The following AKAP13 variants were observed in gnomAD, a reference collection of about 807,000 sequenced individuals.
The protein encoded by AKAP13 is A-kinase anchor protein 13.
Under a neutral mutation model 264.5 loss-of-function variants are expected in AKAP13, and 80 were observed. The observed-to-expected ratio is 0.30, with a 90% CI of 0.25 to 0.36. The LOEUF is 0.36. AKAP13 is among the 10% of genes least tolerant of loss of function. The probability of loss-of-function intolerance (pLI) is 1.00; values close to 1 mark genes in which losing one functional copy is unlikely to be tolerated. For synonymous variants in AKAP13, 1,380 were observed against 1,250.2 expected (o/e 1.10, Z -2.19); for missense variants, 3,712 against 3,435.2 (o/e 1.08, Z -2.01).
intron 1 of AKAP13, among the ~76,000 whole-genome samples, chr15:85,475,856 G>C (rs566622595): frequency 6.6e-6 from 1 of 152,296 alleles, no homozygotes; most frequent in African/African-American, 2.4e-5. Context: ...CTCTGTCTCT[G>C]ATGTTCATGT....
At chr15:85,518,180 T>C (rs147853932) in intron 2 of AKAP13, among the ~76,000 whole-genome samples, 1 of 152,328 alleles carries the variant, frequency 6.6e-6, no homozygotes, top group East Asian at 1.9e-4. Flanking sequence ...GATGGTAGGA[T>C]TAAAGCATCA....
At chr15:85,544,184 G>C in intron 5 of AKAP13, 1 of 669,782 alleles carries the variant, frequency 1.5e-6, no homozygotes, top group Non-Finnish European at 2.7e-6. Context: ...CTGCCTGCCT[G>C]CCTTCTTCAA....
chr15:85,741,702 A>AC (rs1310182260), intron 35 of AKAP13, among the ~76,000 whole-genome samples: 3 of 12,042 alleles, frequency 2.5e-4, no homozygotes, highest in Admixed American at 1.4e-3. Context: ...TCTCCTAAAA[A>AC]AAAAAAAAAA....
chr15:85,734,258 C>A (rs2088272306), intron 30 of AKAP13, among the ~76,000 whole-genome samples: 1 of 152,148 alleles, frequency 6.6e-6, no homozygotes, highest in Admixed American at 6.5e-5. Flanking sequence ...CTGTTCTTAA[C>A]TTTATATGGG....
chr15:85,655,570 G>C lies in AKAP13; in HGVS notation c.4528G>C (p.Gly1510Arg), dbSNP rs1245978977. The change falls in exon 11 of 37, where the codon GGA becomes CGA. Residue 1510 changes from glycine to arginine, a missense_variant. Coordinates refer to ENST00000394518, the MANE Select transcript of AKAP13 (RefSeq NM_007200.5). Reference sequence around the variant, plus strand: ...GTCAAGAGATCGGCAAAGCCTTGATGGATTCTACAGCCATGGGATGGGAGC... The same window carrying C: ...GTCAAGAGATCGGCAAAGCCTTGATCGATTCTACAGCCATGGGATGGGAGC... The part of the protein sequence containing the change: ...NRSRDRQSLD[G>R]FYSHGMGAEG... 6.2e-7 allele frequency: 1 copy of C among 1,614,220 alleles called. No homozygotes were observed. The highest frequency in any genetic ancestry group is 2.2e-5 in the East Asian group (1 of 44,890).
chr15:85,519,004 C>CA (rs989555940), intron 2 of AKAP13, among the ~76,000 whole-genome samples: 9 of 152,150 alleles, frequency 5.9e-5, no homozygotes, highest in Non-Finnish European at 1.3e-4. Context: ...GAGAGTCTCC[C>CA]AGCAAGATGT....
At chr15:85,454,988 T>G (rs1265414197) in intron 1 of AKAP13, among the ~76,000 whole-genome samples, 1 of 152,202 alleles carries the variant, frequency 6.6e-6, no homozygotes, top group Non-Finnish European at 1.5e-5. Context: ...GATAGATTTC[T>G]TGTCTTCTGT....
At chr15:85,446,603 T>C (rs1240515643) in intron 1 of AKAP13, among the ~76,000 whole-genome samples, 1 of 152,076 alleles carries the variant, frequency 6.6e-6, no homozygotes, top group Non-Finnish European at 1.5e-5. Flanking sequence ...GAGAATGGGA[T>C]GGAAAGATAT....
intron 17 of AKAP13, among the ~76,000 whole-genome samples, chr15:85,695,666 A>G (rs1317381708): frequency 6.6e-6 from 1 of 152,186 alleles, no homozygotes; most frequent in Admixed American, 6.5e-5. Context: ...TTTCAAAAGT[A>G]ACCAAAAACC....
chr15:85,574,075 C>T (rs2078923376), intron 5 of AKAP13, among the ~76,000 whole-genome samples: 1 of 152,196 alleles, frequency 6.6e-6, no homozygotes, highest in Non-Finnish European at 1.5e-5. Flanking sequence ...ACCCAGAAAT[C>T]TCTAACTCTG....
chr15:85,459,500 G>A (rs1030752390), intron 1 of AKAP13, among the ~76,000 whole-genome samples: 2 of 147,974 alleles, frequency 1.4e-5, no homozygotes, highest in South Asian at 4.3e-4. Context: ...CACCCAGCCT[G>A]CTTTTTCTTT....
intron 4 of AKAP13, 123 bp downstream of exon 4, chr15:85,534,003 G>C (rs2077314993): frequency 9.1e-7 from 1 of 1,102,794 alleles, no homozygotes; most frequent in African/African-American, 1.6e-5. Context: ...GTAAATCTTA[G>C]AATTACTGTA....
At chr15:85,646,358 T>C (rs1365045708) in intron 10 of AKAP13, among the ~76,000 whole-genome samples, 1 of 151,306 alleles carries the variant, frequency 6.6e-6, no homozygotes, top group East Asian at 1.9e-4. Context: ...ACCCAGGAGG[T>C]GGAGGTTGCA....
chr15:85,631,481 C>T (rs2081803529), intron 8 of AKAP13, among the ~76,000 whole-genome samples: 1 of 108,372 alleles, frequency 9.2e-6, no homozygotes. Flanking sequence ...CACACACACA[C>T]TTTCTCTCTC....
chr15:85,385,892 C>T (rs2070533261), intron 1 of AKAP13, among the ~76,000 whole-genome samples: 1 of 152,148 alleles, frequency 6.6e-6, no homozygotes, highest in East Asian at 1.9e-4. Flanking sequence ...GTGGTGAGAT[C>T]TTGGCTCACT....
At chr15:85,648,021 TTTTA>T (rs2082635187) in intron 10 of AKAP13, among the ~76,000 whole-genome samples, 2 of 124,828 alleles carry the variant, frequency 1.6e-5, no homozygotes, top group Admixed American at 7.7e-5. Flanking sequence ...TTTTATGTTA[TTTTA>T]TTTTTTTTTT....
rs868489264 is a variant in AKAP13, at chr15:85,684,995, C to T, written c.5289+122C>T. On this transcript the variant is annotated intron_variant, in intron 16 of 36. Coordinates refer to ENST00000394518, the MANE Select transcript of AKAP13 (RefSeq NM_007200.5). Reference sequence around the variant, plus strand: ...TGGAAATAAATTCAGGATTACTCTCCGAAATCGCCTAATATTTAAAGGAAA... The same window carrying T: ...TGGAAATAAATTCAGGATTACTCTCTGAAATCGCCTAATATTTAAAGGAAA... 122 of 1,188,162 alleles carry T rather than the reference C, an allele frequency of 1.0e-4. 2 individuals carry two copies. In the Middle Eastern group the frequency reaches 4.3e-3, roughly 41 times the overall value. 73.6% of individuals were successfully genotyped at this position (1,188,162 alleles called of 1,614,324 possible). A position where few individuals can be genotyped will look rare whatever the true frequency, so the allele number is the denominator to read the frequency against.
At chr15:85,738,051 T>C (rs1461107375) in intron 33 of AKAP13, among the ~76,000 whole-genome samples, 1 of 151,880 alleles carries the variant, frequency 6.6e-6, no homozygotes. Flanking sequence ...TTAGACACTA[T>C]AAATGCTTAG....
intron 3 of AKAP13, among the ~76,000 whole-genome samples, chr15:85,531,089 G>A (rs913986159): frequency 6.6e-6 from 1 of 152,088 alleles, no homozygotes; most frequent in Admixed American, 6.6e-5. Context: ...TCGAACTCCT[G>A]GCCTCAAGTG....
Sources: allele counts gnomAD v4.1 joint callset (sites outside exome capture counted in the v4.1 genomes callset), GRCh38; gene constraint gnomAD v4.1.1; transcripts MANE v1.5; gene names NCBI Gene and HGNC (gene_info 2026-07-23, HGNC 2026-07-21).